Variants in JMJD1C observed in about 807,000 individuals in gnomAD.
JMJD1C encodes the protein jumonji domain containing 1C, also known as jumonji domain-containing protein 1C.
A neutral mutation model predicts 245.3 loss-of-function variants in JMJD1C; 31 were observed. The ratio of observed to expected loss-of-function variants is 0.13; its 90% CI spans 0.09 to 0.17. JMJD1C has a LOEUF of 0.17. Ranked by LOEUF, JMJD1C falls within the 10% of genes least tolerant of loss-of-function variation. The probability of loss-of-function intolerance (pLI) is 1.00; values close to 1 mark genes in which losing one functional copy is unlikely to be tolerated. For missense variants in JMJD1C, 2,691 were observed against 3,000.2 expected (o/e 0.90, Z 2.41); for synonymous variants, 1,057 against 1,017.4 (o/e 1.04, Z -0.74).
chr10:63,221,591 T>A (rs945631547), intron 3 of JMJD1C, among the ~76,000 whole-genome samples: 1 of 152,220 alleles, frequency 6.6e-6, no homozygotes, highest in African/African-American at 2.4e-5. Flanking sequence ...GCAAAGAAAC[T>A]TTCTAGCAAT....
At chr10:63,242,238 T>A (rs1361504009) in intron 3 of JMJD1C, among the ~76,000 whole-genome samples, 2 of 152,142 alleles carry the variant, frequency 1.3e-5, no homozygotes, top group African/African-American at 4.8e-5. Flanking sequence ...AGAGGCTAAG[T>A]GGTTGAGAAG....
chr10:63,507,367 G>C (rs1158077464), intron 1 of JMJD1C, among the ~76,000 whole-genome samples: 3 of 152,124 alleles, frequency 2.0e-5, no homozygotes, highest in Non-Finnish European at 2.9e-5. Context: ...GTGCCAGCCG[G>C]GTACGATGGC....
chr10:63,394,301 AT>A (rs200092766), intron 1 of JMJD1C, among the ~76,000 whole-genome samples: 1 of 152,150 alleles, frequency 6.6e-6, no homozygotes, highest in Non-Finnish European at 1.5e-5. Context: ...TGACAATTGA[AT>A]TTTTTTAAAA....
rs1350682924 is a variant in JMJD1C, at chr10:63,217,202, T to C, written c.678+5A>G. ...CTCTATAAAAATATTAGTGGAACTATTTACCTGATCATTCATAACGATCAT... is the reference window on the plus strand; with the variant it reads ...CTCTATAAAAATATTAGTGGAACTACTTACCTGATCATTCATAACGATCAT... On this transcript the variant is annotated splice_donor_5th_base_variant and intron_variant, in intron 5 of 25. Transcript: ENST00000399262. 1.9e-6 allele frequency: 3 copies of C among 1,605,394 alleles called. No individual in the cohort carries two copies. The highest frequency in any genetic ancestry group is 1.3e-5 in the African/African-American group (1 of 74,492).
At chr10:63,519,937 G>C (rs1437586192) in intron 1 of JMJD1C, among the ~76,000 whole-genome samples, 1 of 152,172 alleles carries the variant, frequency 6.6e-6, no homozygotes, top group African/African-American at 2.4e-5. Context: ...CAAAAAACTG[G>C]TGCTTATGCA....
chr10:63,217,702 T>C (rs1221406159), intron 4 of JMJD1C: 1 of 153,870 alleles, frequency 6.5e-6, no homozygotes, highest in African/African-American at 2.4e-5. Context: ...ACAGAAAGAT[T>C]AACTTGCAAC....
intron 3 of JMJD1C, among the ~76,000 whole-genome samples, chr10:63,226,298 C>G (rs1214904170): frequency 3.9e-5 from 6 of 152,204 alleles, no homozygotes; most frequent in Admixed American, 3.3e-4. Context: ...AGAAACCTCA[C>G]TTTGGTGATG....
intron 1 of JMJD1C, among the ~76,000 whole-genome samples, chr10:63,396,928 G>A (rs1026420826): frequency 6.9e-5 from 10 of 145,258 alleles, no homozygotes; most frequent in African/African-American, 2.5e-4. Flanking sequence ...ACTGGTTTTT[G>A]GTTTTTTTTT....
At chr10:63,222,607 A>C in intron 3 of JMJD1C, 1 of 1,597,134 alleles carries the variant, frequency 6.3e-7, no homozygotes, top group Non-Finnish European at 8.6e-7. Flanking sequence ...TTCATTGTCG[A>C]AACTCACATG....
At chr10:63,268,366 C>A (rs1395319401) in intron 2 of JMJD1C, among the ~76,000 whole-genome samples, 5 of 151,662 alleles carry the variant, frequency 3.3e-5, no homozygotes, top group Non-Finnish European at 7.4e-5. Context: ...CAAAAAAAAA[C>A]CTTACAAAAC....
chr10:63,208,689 T>C lies in JMJD1C; in HGVS notation c.2980A>G (p.Arg994Gly). The change falls in exon 10 of 26, where the codon AGG becomes GGG. Residue 994 changes from arginine (R) to glycine (G), a missense_variant. Physicochemically the swap from Arg to Gly is moderately radical, Grantham distance 125 (BLOSUM62 -2). Around this residue, in one of 9 missense-constraint regions of JMJD1C, gnomAD observed 1,562 missense variants for 1,490.7 expected, o/e 1.05. Transcript: ENST00000399262. ...TTTAATACTGGATCCACAAAATGCCTATGTAAGTGACAATCTTTTCCAGTC... is the reference window on the plus strand; with the variant it reads ...TTTAATACTGGATCCACAAAATGCCCATGTAAGTGACAATCTTTTCCAGTC... Reference protein sequence around the residue: ...SQTGKDCHLHRHFVDPVLNQL... With the variant: ...SQTGKDCHLHGHFVDPVLNQL... The C allele has an allele frequency of 6.2e-7, 1 of 1,614,112 alleles. No individual in the cohort carries two copies. Among genetic ancestry groups the C allele is most frequent in the Non-Finnish European group, 8.5e-7 (1 of 1,179,942 alleles).
At chr10:63,465,208 G>C in intron 1 of JMJD1C, 1 of 380,976 alleles carries the variant, frequency 2.6e-6, no homozygotes, top group African/African-American at 2.1e-5. Flanking sequence ...TGGCCGCCCA[G>C]GCGCCACAGC....
intron 1 of JMJD1C, among the ~76,000 whole-genome samples, chr10:63,478,244 C>T (rs1953722680): frequency 1.3e-5 from 2 of 152,186 alleles, no homozygotes; most frequent in Non-Finnish European, 2.9e-5. Context: ...TAAACATATA[C>T]TTTTCATATG....
chr10:63,502,510 C>T (rs1281626221), intron 1 of JMJD1C, among the ~76,000 whole-genome samples: 2 of 151,880 alleles, frequency 1.3e-5, no homozygotes, highest in African/African-American at 4.8e-5. Context: ...TGGTGGCGGG[C>T]ATCTACAGTC....
At chr10:63,332,411 G>A (rs955234037) in intron 2 of JMJD1C, among the ~76,000 whole-genome samples, 4 of 152,178 alleles carry the variant, frequency 2.6e-5, no homozygotes, top group African/African-American at 9.7e-5. Flanking sequence ...ATCAAATAAT[G>A]AAAACACCTA....
chr10:63,256,498 T>C (rs188776084), intron 3 of JMJD1C, among the ~76,000 whole-genome samples: 22 of 152,308 alleles, frequency 1.4e-4, no homozygotes, highest in African/African-American at 5.1e-4. Context: ...CAAGGAAGTA[T>C]ATTGACTCTG....
chr10:63,305,838 T>C (rs1296888213), intron 2 of JMJD1C, among the ~76,000 whole-genome samples: 1 of 152,100 alleles, frequency 6.6e-6, no homozygotes, highest in African/African-American at 2.4e-5. Context: ...GCTCAAGTGA[T>C]TCTCCCTCCT....
rs180960109 is a variant in JMJD1C at position 63,482,516 on chromosome 10, G to C, written n.113+39222C>G. On this transcript the variant is annotated intron_variant and non_coding_transcript_variant, in intron 1 of 3. Transcript: ENST00000633035. Reference sequence around the variant, plus strand: ...CTGGACACAGTGGCATACACCTGTAGTCCTAGCTACTCAGGAGGCTGAGGC... The same window carrying C: ...CTGGACACAGTGGCATACACCTGTACTCCTAGCTACTCAGGAGGCTGAGGC... 6.0e-4 allele frequency among the ~76,000 whole-genome samples: 92 copies of C among 152,154 alleles called. 1 individual carries two copies. Among genetic ancestry groups the C allele is most frequent in the Middle Eastern group, 6.8e-3 (2 of 294 alleles).
chr10:63,283,389 CCAAGTCTTGCCCTGTTACCCAGG>C (rs1326914702), intron 2 of JMJD1C, among the ~76,000 whole-genome samples: 14 of 146,606 alleles, frequency 9.5e-5, no homozygotes, highest in Middle Eastern at 3.3e-3. Flanking sequence ...TTTTTTGAGA[CCAAGTCTTGCCCTGTTACCCAGG>C]CTGGAGTGCA....
Sources: gnomAD v4.1 joint callset for allele counts (sites outside exome capture counted in the v4.1 genomes callset) on GRCh38, gnomAD v4.1.1 for gene constraint, gnomAD v4.1.1 regional missense constraint, MANE v1.5 for transcripts, NCBI Gene and HGNC (gene_info 2026-07-23, HGNC 2026-07-21) for gene names.